Variants in NBAS observed in about 807,000 individuals in gnomAD.
NBAS encodes the protein NBAS subunit of NRZ tethering complex.
A neutral mutation model predicts 302.5 loss-of-function variants in NBAS; 219 were observed. That is an observed-to-expected ratio of 0.72 (90% confidence interval 0.65 to 0.81). The LOEUF is 0.81. Among genes scored for constraint, NBAS ranks in the 30% least tolerant of loss-of-function variants. The pLI, the probability that NBAS is intolerant of heterozygous loss-of-function variation, is 0.00. For synonymous variants in NBAS, 1,118 were observed against 1,021.6 expected (o/e 1.09, Z -1.80); for missense variants, 2,932 against 2,841.6 (o/e 1.03, Z -0.72).
chr2:15,016,505 C>A, the NBAS span, among the ~76,000 whole-genome samples: 6 of 152,256 alleles, frequency 3.9e-5, no homozygotes, highest in African/African-American at 1.4e-4. Context: ...ATGCCATGCT[C>A]ATGGATTGGA....
the NBAS span, among the ~76,000 whole-genome samples, chr2:14,868,905 A>G: frequency 1.3e-5 from 2 of 152,186 alleles, no homozygotes; most frequent in Non-Finnish European, 2.9e-5. Flanking sequence ...ACTGAGCCCA[A>G]CAGAATCCTT....
chr2:14,924,254 C>T, the NBAS span, among the ~76,000 whole-genome samples: 1 of 152,220 alleles, frequency 6.6e-6, no homozygotes, highest in African/African-American at 2.4e-5. Context: ...AATGCAGATT[C>T]CTGTCATGGA....
At chr2:15,363,040 T>C (rs1674014424) in intron 32 of NBAS, among the ~76,000 whole-genome samples, 1 of 152,068 alleles carries the variant, frequency 6.6e-6, no homozygotes, top group South Asian at 2.1e-4. Context: ...ATGGGCAACA[T>C]AGTGAGACCC....
chr2:14,912,363 A>C, the NBAS span, among the ~76,000 whole-genome samples: 1,791 of 152,240 alleles, frequency 0.012, 23 homozygotes, highest in Middle Eastern at 0.024. Flanking sequence ...AGCACTAATA[A>C]ATGTCATTAA....
intron 9 of NBAS, among the ~76,000 whole-genome samples, chr2:15,512,202 C>T (rs1355587718): frequency 6.6e-6 from 1 of 152,120 alleles, no homozygotes; most frequent in Non-Finnish European, 1.5e-5. Flanking sequence ...TTAGAGTTGG[C>T]ATATCAGACT....
At chr2:14,993,201 G>T in the NBAS span, among the ~76,000 whole-genome samples, 26 of 152,054 alleles carry the variant, frequency 1.7e-4, no homozygotes, top group Non-Finnish European at 3.2e-4. Flanking sequence ...AACCCTCCAT[G>T]CTCCCCATTT....
At chr2:15,020,089 T>C in the NBAS span, among the ~76,000 whole-genome samples, 1 of 152,138 alleles carries the variant, frequency 6.6e-6, no homozygotes, top group African/African-American at 2.4e-5. Flanking sequence ...GAAGGTCAAC[T>C]CCATTCTGTT....
At chr2:15,122,061 G>A in the NBAS span, among the ~76,000 whole-genome samples, 1 of 151,912 alleles carries the variant, frequency 6.6e-6, no homozygotes, top group Admixed American at 6.6e-5. Context: ...CAAAACAGGA[G>A]ATGGAGAAAG....
chr2:15,471,438 A>C (rs1423701748), intron 16 of NBAS, among the ~76,000 whole-genome samples: 1 of 152,160 alleles, frequency 6.6e-6, no homozygotes, highest in African/African-American at 2.4e-5. Flanking sequence ...TAACGTATAA[A>C]ACTTTTAGGG....
At chr2:15,361,264 G>C (rs1415429992) in intron 32 of NBAS, among the ~76,000 whole-genome samples, 1 of 152,164 alleles carries the variant, frequency 6.6e-6, no homozygotes, top group Non-Finnish European at 1.5e-5. Context: ...TGTAATCCTA[G>C]CATTTTGGGA....
the NBAS span, among the ~76,000 whole-genome samples, chr2:15,153,920 T>C: frequency 6.6e-6 from 1 of 152,234 alleles, no homozygotes; most frequent in Non-Finnish European, 1.5e-5. Flanking sequence ...ATGTGTGTTA[T>C]CATTAAGATT....
chr2:14,927,535 T>G, the NBAS span, among the ~76,000 whole-genome samples: 4 of 152,212 alleles, frequency 2.6e-5, no homozygotes, highest in African/African-American at 9.6e-5. Flanking sequence ...TATATAGATA[T>G]CTGTTTGAGT....
the NBAS span, among the ~76,000 whole-genome samples, chr2:15,150,073 A>C: frequency 2.6e-5 from 4 of 151,718 alleles, no homozygotes; most frequent in Non-Finnish European, 2.9e-5. Context: ...TCTCAAAAAA[A>C]AAAAAAAAAA....
intron 18 of NBAS, 41 bp from the exon 19 acceptor site, chr2:15,467,448 G>C (rs1347991201): frequency 1.3e-6 from 2 of 1,497,816 alleles, no homozygotes; most frequent in Non-Finnish European, 1.9e-6. Context: ...TATTTACACA[G>C]AATTATTTCT....
the NBAS span, among the ~76,000 whole-genome samples, chr2:15,122,861 G>A: frequency 1.3e-5 from 2 of 152,222 alleles, no homozygotes; most frequent in Non-Finnish European, 2.9e-5. Flanking sequence ...AGGCTGATTA[G>A]AAAAGCTTCC....
chr2:15,006,380 C>T, the NBAS span, among the ~76,000 whole-genome samples: 273 of 152,190 alleles, frequency 1.8e-3, no homozygotes, highest in African/African-American at 6.4e-3. Context: ...ATGGAAAACA[C>T]CTAGGTATTA....
intron 12 of NBAS, 96 bp from the exon 13 acceptor site, chr2:15,478,385 G>GTCATCT: frequency 1.1e-6 from 1 of 874,828 alleles, no homozygotes; most frequent in Non-Finnish European, 1.9e-6. Flanking sequence ...AAGAGATGAC[G>GTCATCT]CTTTCCCTTG....
intron 28 of NBAS, among the ~76,000 whole-genome samples, chr2:15,387,478 A>G (rs549612731): frequency 2.2e-4 from 34 of 152,354 alleles, no homozygotes; most frequent in Middle Eastern, 3.4e-3. Context: ...GACAATATAG[A>G]AAGAGACAAA....
At chr2:14,977,504 A>G in the NBAS span, among the ~76,000 whole-genome samples, 32 of 152,348 alleles carry the variant, frequency 2.1e-4, no homozygotes, top group East Asian at 5.4e-3. Context: ...TTCACTAGTC[A>G]TGGAATTTGG....
Sources: allele counts gnomAD v4.1 joint callset (sites outside exome capture counted in the v4.1 genomes callset), GRCh38; gene constraint gnomAD v4.1.1; transcripts MANE v1.5; gene names NCBI Gene and HGNC (gene_info 2026-07-23, HGNC 2026-07-21).